TULP1: variants seen among roughly 807,000 people sequenced by gnomAD.
TULP1 encodes TUB like protein 1, also known as tubby-related protein 1.
Under a neutral mutation model 67.1 loss-of-function variants are expected in TULP1, and 50 were observed. That is an observed-to-expected ratio of 0.75 (90% confidence interval 0.59 to 0.94). TULP1 has a LOEUF of 0.94. Among genes scored for constraint, TULP1 ranks in the 40% least tolerant of loss-of-function variants. The probability of loss-of-function intolerance (pLI) is 0.00; values close to 1 mark genes in which losing one functional copy is unlikely to be tolerated. For synonymous variants in TULP1, 297 were observed against 294.0 expected, an observed-to-expected ratio of 1.01 and a Z score of -0.11; for missense variants, 746 against 734.1, an observed-to-expected ratio of 1.02 and a Z score of -0.19.
Position 35,503,331 on chromosome 6 carries a change from T to G in TULP1, c.1323+228A>C. On this transcript the variant is annotated intron_variant, in intron 13 of 14. Coordinates refer to ENST00000229771, the MANE Select transcript of TULP1 (RefSeq NM_003322.6). The surrounding 1 kb of genome is among the most constrained non-coding windows in gnomAD (Gnocchi z 4.0). ...TATGTGTGGTCAATGAAGATATGAA[T>G]GGATGTAATATATGAATTTGATGTA... 3.5e-6 allele frequency: 2 copies of G among 564,496 alleles called. No homozygotes were observed. Among genetic ancestry groups the G allele is most frequent in the Non-Finnish European group, 6.4e-6 (2 of 314,266 alleles). 35.0% of individuals were successfully genotyped at this position (564,496 alleles called of 1,614,324 possible).
Position 35,501,529 on chromosome 6 carries a change from A to AAT in TULP1, c.1324-1378_1324-1377insAT, listed in dbSNP as rs57326453. ...TCTCAGAAAAAAAAAAAAAAAAAAA[A>AAT]GGCTGGGCACAGTGGCTCAGGCCTG... On this transcript the variant is annotated intron_variant, in intron 13 of 14. Coordinates refer to ENST00000229771, the MANE Select transcript of TULP1 (RefSeq NM_003322.6). Among the ~76,000 whole-genome samples, 187 of 148,280 alleles carry AAT rather than the reference A, an allele frequency of 1.3e-3. 1 individual carries two copies. Among genetic ancestry groups the AAT allele is most frequent in the Non-Finnish European group, 2.2e-3 (149 of 67,346 alleles).
intron 2 of TULP1, 95 bp from the exon 3 acceptor site, chr6:35,512,365 C>T (rs539397347): frequency 2.7e-6 from 2 of 730,204 alleles, no homozygotes; most frequent in African/African-American, 1.8e-5. Context: ...CAGAAATAAC[C>T]GCAGATTATC....
At chr6:35,499,361 C>T (rs1768778924) in intron 14 of TULP1, among the ~76,000 whole-genome samples, 1 of 152,334 alleles carries the variant, frequency 6.6e-6, no homozygotes, top group Admixed American at 6.5e-5. Context: ...TCCAGACTGT[C>T]AGCTCTACCT....
At position 35,498,688 on chromosome 6, in the gene TULP1, C is replaced by T. The variant is rs1768762996; in HGVS notation, c.1496-228G>A. 6.6e-6 allele frequency among the ~76,000 whole-genome samples: 1 copy of T among 152,220 alleles called. No individual in the cohort carries two copies. Among genetic ancestry groups the T allele is most frequent in the Admixed American group, 6.5e-5 (1 of 15,286 alleles). The stretch of plus-strand genomic sequence containing the variant: ...TCCTGGGGGCAGGGACCTTGCCTTT[C>T]TGCTGCTGCCACAGGCCATGCCTAG... On this transcript the variant is annotated intron_variant, in intron 14 of 14. Transcript: ENST00000229771. The surrounding 1 kb of genome is among the most constrained non-coding windows in gnomAD (Gnocchi z 6.7).
In TULP1 at chr6:35,510,021, GA is replaced by G. The variant is rs745328480; in HGVS notation, c.500-94del. 86 of 1,249,626 alleles carry G rather than the reference GA, an allele frequency of 6.9e-5. 1 individual carries two copies. Among genetic ancestry groups the G allele is most frequent in the Non-Finnish European group, 9.3e-5 (80 of 864,166 alleles). 77.4% of individuals were successfully genotyped at this position (1,249,626 alleles called of 1,614,324 possible). Reference sequence around the variant, plus strand: ...TCTTGTCCTGCCTATAGTCCCCAGGGAGGCTGAAAGCTTGACAGGGGCCCAC... The same window carrying G: ...TCTTGTCCTGCCTATAGTCCCCAGGGGGCTGAAAGCTTGACAGGGGCCCAC... On this transcript the variant is annotated intron_variant, in intron 5 of 14. Transcript: ENST00000229771.
chr6:35,504,048 G>T, intron 11 of TULP1, 200 bp from the exon 12 acceptor site: 1 of 551,650 alleles, frequency 1.8e-6, no homozygotes, highest in East Asian at 3.1e-5. Context: ...GGGCATGGTG[G>T]CTCAAGCTTG....
At chr6:35,500,487 T>G (rs2150922678) in intron 13 of TULP1, among the ~76,000 whole-genome samples, 1 of 152,248 alleles carries the variant, frequency 6.6e-6, no homozygotes, top group Middle Eastern at 3.4e-3. Flanking sequence ...TGAGCCAATC[T>G]TGGACCTGCA....
Position 35,498,727 on chromosome 6 carries a change from T to TTAAC in TULP1, c.1496-271_1496-268dup, listed in dbSNP as rs1386524695. ...GGCCATGCCTAGAGCCCGCACCTGATTAACTATAGGACCCTGTCAAATTTA... is the reference window on the plus strand; with the variant it reads ...GGCCATGCCTAGAGCCCGCACCTGATTAACTAACTATAGGACCCTGTCAAATTTA... On this transcript the variant is annotated intron_variant, in intron 14 of 14. Coordinates refer to ENST00000229771, the MANE Select transcript of TULP1 (RefSeq NM_003322.6). The surrounding 1 kb of genome is among the most constrained non-coding windows in gnomAD (Gnocchi z 6.7). Among the ~76,000 whole-genome samples the TTAAC allele has an allele frequency of 1.3e-5, 2 of 152,206 alleles. No individual in the cohort carries two copies. The highest frequency in any genetic ancestry group is 2.9e-5 in the Non-Finnish European group (2 of 68,034).
intron 13 of TULP1, among the ~76,000 whole-genome samples, chr6:35,500,447 A>G (rs1011683238): frequency 1.3e-5 from 2 of 152,132 alleles, no homozygotes; most frequent in Admixed American, 1.3e-4. Context: ...GTCTTAGGAG[A>G]CAGACACACA....
intron 13 of TULP1, 87 bp from the exon 14 acceptor site, chr6:35,500,239 A>G (rs115986413): frequency 0.019 from 26,627 of 1,436,922 alleles, 368 homozygotes; most frequent in Middle Eastern, 0.056. Flanking sequence ...GGGCCTGGGC[A>G]TGTGTGCACA....
chr6:35,499,131 T>C (rs368974919), intron 14 of TULP1, among the ~76,000 whole-genome samples: 3 of 152,172 alleles, frequency 2.0e-5, no homozygotes, highest in South Asian at 2.1e-4. Context: ...CAGAGACTTA[T>C]GGGAGATACC....
At chr6:35,506,601 C>G (rs958631099) in intron 8 of TULP1, among the ~76,000 whole-genome samples, 2 of 152,234 alleles carry the variant, frequency 1.3e-5, no homozygotes, top group Non-Finnish European at 2.9e-5. Flanking sequence ...ATGTATTTAA[C>G]ACACGCTTGC....
intron 4 of TULP1, 50 bp downstream of exon 4, chr6:35,511,598 C>A: frequency 6.4e-7 from 1 of 1,569,478 alleles, no homozygotes; most frequent in Non-Finnish European, 8.6e-7. Flanking sequence ...AGCCCCTTCT[C>A]TCCTTAGCTC....
chr6:35,506,149 G>A lies in TULP1; in HGVS notation c.853C>T (p.Pro285Ser). ...TCCCGGGGTTCGTCCACCTCCACGG[G>A]GGGAGACGGGGCCCTCTCCTCCTTC... ...KAKEERAPSPPVEVDEPREFV... is the reference protein window; with the variant it reads ...KAKEERAPSPSVEVDEPREFV... The change falls in exon 10 of 15, where the codon CCC becomes TCC. Residue 285 changes from proline to serine, a missense_variant. Physicochemically the swap from Pro to Ser is moderately conservative, Grantham distance 74 (BLOSUM62 -1). Around this residue, in one of 3 missense-constraint regions of TULP1, gnomAD observed 383 missense variants for 374.1 expected, o/e 1.02. Coordinates refer to ENST00000229771, the MANE Select transcript of TULP1 (RefSeq NM_003322.6). 1.9e-6 allele frequency: 3 copies of A among 1,613,552 alleles called. No individual in the cohort carries two copies. The highest frequency in any genetic ancestry group is 1.7e-6 in the Non-Finnish European group (2 of 1,179,902).
Position 35,509,921 on chromosome 6 carries a change from C to T in TULP1, c.507G>A (p.Leu169=). 1 of 1,613,754 alleles carries T rather than the reference C, an allele frequency of 6.2e-7. No homozygotes were observed. The highest frequency in any genetic ancestry group is 8.5e-7 in the Non-Finnish European group (1 of 1,179,988). Residue 169 remains leucine (L), a synonymous_variant, in exon 6 of 15, where the codon CTG becomes CTA. Coordinates refer to ENST00000229771, the MANE Select transcript of TULP1 (RefSeq NM_003322.6). The part of the protein sequence containing the change: ...RAKAQGPRGD[L]GSPDPPPKPL... ...GTTTCGGTGGGGGGTCAGGGCTTCCCAGGTCTCCTGGAAATGGAAGATGGG... is the reference window on the plus strand; with the variant it reads ...GTTTCGGTGGGGGGTCAGGGCTTCCTAGGTCTCCTGGAAATGGAAGATGGG...
chr6:35,512,665 G>A lies in TULP1; in HGVS notation c.73C>T (p.Pro25Ser). ...TGTTTGGGGCGCCGCGGGGCCTCCG[G>A]GCTCAGGCTTTCTTCTTCATGCCCA... ...DSGHEEESLS[P>S]EAPRRPKQRP... is the part of the protein sequence containing the mutation. The change falls in exon 2 of 15, where the codon CCG (proline) becomes TCG (serine). Residue 25 changes from proline to serine, a missense_variant. Transcript: ENST00000229771. 1 of 1,614,066 alleles carries A rather than the reference G, an allele frequency of 6.2e-7. No homozygotes were observed. The highest frequency in any genetic ancestry group is 1.1e-5 in the South Asian group (1 of 91,084).
chr6:35,502,665 A>T (rs1760992526), intron 13 of TULP1, among the ~76,000 whole-genome samples: 1 of 150,910 alleles, frequency 6.6e-6, no homozygotes, highest in Non-Finnish European at 1.5e-5. Context: ...CGCCCGGCTA[A>T]TTTTTGTATA....
Position 35,510,858 on chromosome 6 carries a change from C to A in TULP1, c.499+3G>T. The A allele has an allele frequency of 6.2e-7, 1 of 1,613,866 alleles. No homozygotes were observed. Among genetic ancestry groups the A allele is most frequent in the East Asian group, 2.2e-5 (1 of 44,874 alleles). ...GAGCTCTCTCAGCACCCTCAGCACC[C>A]ACCCCTTGGGCCCTGGGCCTTGGCC... On this transcript the variant is annotated splice_donor_region_variant and intron_variant, in intron 5 of 14. Coordinates refer to ENST00000229771, the MANE Select transcript of TULP1 (RefSeq NM_003322.6).
chr6:35,499,870 T>G, intron 14 of TULP1, 111 bp downstream of exon 14: 1 of 1,371,888 alleles, frequency 7.3e-7, no homozygotes, highest in Non-Finnish European at 1.0e-6. Flanking sequence ...GTCCCAGCTC[T>G]CGGGATAAAG....
Sources: allele counts gnomAD v4.1 joint callset (sites outside exome capture counted in the v4.1 genomes callset), GRCh38; gene constraint gnomAD v4.1.1; regional missense constraint gnomAD v4.1.1; non-coding constraint Gnocchi (gnomAD v3.1); transcripts MANE v1.5; gene names NCBI Gene and HGNC (gene_info 2026-07-23, HGNC 2026-07-21).